The following YWHAQ variants were observed in gnomAD, a reference collection of about 807,000 sequenced individuals.
YWHAQ encodes 14-3-3 protein theta.
In YWHAQ, 6 loss-of-function variants were observed where a neutral mutation model predicts 28.3. The ratio of observed to expected loss-of-function variants is 0.21; its 90% confidence interval spans 0.12 to 0.42. The LOEUF (loss-of-function observed/expected upper bound fraction) is 0.42. Among genes scored for constraint, YWHAQ ranks in the 10% least tolerant of loss-of-function variants. The probability of loss-of-function intolerance (pLI) is 1.00; values close to 1 mark genes in which losing one functional copy is unlikely to be tolerated. For missense variants in YWHAQ, 201 were observed against 305.6 expected (o/e 0.66, Z 2.55); for synonymous variants, 143 against 119.1 (o/e 1.20, Z -1.31).
intron 2 of YWHAQ, among the ~76,000 whole-genome samples, chr2:9,597,648 A>AAAAAAG (rs1558543363): frequency 3.3e-5 from 5 of 150,898 alleles, no homozygotes; most frequent in African/African-American, 1.2e-4. Flanking sequence ...AAAAAAAAAA[A>AAAAAAG]AAAAAGAAAA....
At chr2:9,589,616 A>G (rs1666418054) in intron 3 of YWHAQ, among the ~76,000 whole-genome samples, 1 of 152,208 alleles carries the variant, frequency 6.6e-6, no homozygotes, top group Non-Finnish European at 1.5e-5. Context: ...TTTGACTGGA[A>G]TACCCTTTCC....
chr2:9,591,851 A>C (rs935467171), intron 2 of YWHAQ, among the ~76,000 whole-genome samples: 3 of 152,248 alleles, frequency 2.0e-5, no homozygotes, highest in Admixed American at 2.0e-4. Context: ...ACGGATATAG[A>C]GAAGACTTAA....
At chr2:9,601,765 C>T (rs1666697924) in intron 2 of YWHAQ, among the ~76,000 whole-genome samples, 1 of 152,132 alleles carries the variant, frequency 6.6e-6, no homozygotes, top group Non-Finnish European at 1.5e-5. Flanking sequence ...CCGGCCTCAG[C>T]CTCCTGTGTA....
At chr2:9,587,192 A>G (rs1326401971) in intron 5 of YWHAQ, among the ~76,000 whole-genome samples, 1 of 152,196 alleles carries the variant, frequency 6.6e-6, no homozygotes, top group Non-Finnish European at 1.5e-5. Flanking sequence ...TAATATTAAT[A>G]TTGAGTTCCT....
At chr2:9,626,665 A>T (rs1667252977) in intron 2 of YWHAQ, among the ~76,000 whole-genome samples, 1 of 152,220 alleles carries the variant, frequency 6.6e-6, no homozygotes, top group African/African-American at 2.4e-5. Context: ...TCCTGACCTC[A>T]GGTGATCCAC....
intron 2 of YWHAQ, among the ~76,000 whole-genome samples, chr2:9,626,918 G>A (rs1250140324): frequency 2.0e-5 from 3 of 152,202 alleles, no homozygotes; most frequent in Non-Finnish European, 2.9e-5. Flanking sequence ...GAGCAGAGCA[G>A]AATGGCTAGG....
chr2:9,598,388 C>G (rs1285261868), intron 2 of YWHAQ, among the ~76,000 whole-genome samples: 1 of 152,168 alleles, frequency 6.6e-6, no homozygotes, highest in Non-Finnish European at 1.5e-5. Flanking sequence ...AGTTTAAGCC[C>G]ACTGTCCTAG....
intron 2 of YWHAQ, among the ~76,000 whole-genome samples, chr2:9,629,951 GA>G (rs1043744634): frequency 1.9e-4 from 29 of 151,516 alleles, no homozygotes; most frequent in African/African-American, 6.8e-4. Context: ...CATCTGGGGC[GA>G]AAAAAAAGGA....
chr2:9,610,249 T>A (rs1666917476), intron 2 of YWHAQ, among the ~76,000 whole-genome samples: 1 of 152,224 alleles, frequency 6.6e-6, no homozygotes, highest in Non-Finnish European at 1.5e-5. Context: ...TTCACTGGTA[T>A]GATTTAACCA....
At chr2:9,613,844 G>A (rs553676847) in intron 2 of YWHAQ, among the ~76,000 whole-genome samples, 1 of 152,330 alleles carries the variant, frequency 6.6e-6, no homozygotes, top group East Asian at 1.9e-4. Context: ...GAGGAAAAAT[G>A]TTCACCCTGT....
intron 2 of YWHAQ, chr2:9,620,630 A>C (rs145634008): frequency 6.6e-6 from 1 of 152,364 alleles, no homozygotes; most frequent in African/African-American, 2.4e-5. Flanking sequence ...GCAGAAAGAC[A>C]TTCCAACATA....
intron 2 of YWHAQ, among the ~76,000 whole-genome samples, chr2:9,601,291 G>A (rs564543635): frequency 5.9e-5 from 9 of 151,992 alleles, no homozygotes; most frequent in South Asian, 4.2e-4. Context: ...GTGAAACCCC[G>A]TCTCTACTAA....
chr2:9,594,198 T>C lies in YWHAQ; in HGVS notation c.295-2683A>G, dbSNP rs1370826825. Among the ~76,000 whole-genome samples the C allele has an allele frequency of 2.6e-5, 4 of 152,062 alleles. No homozygotes were observed. The East Asian group carries it at 7.7e-4, about 29-fold the overall frequency. ...GCTCCAGTATCACTACACTCTTAAC[T>C]GTAAAAACAACAGACAAATCAGTTT... On this transcript the variant is annotated intron_variant, in intron 2 of 5. Coordinates refer to ENST00000238081, the MANE Select transcript of YWHAQ (RefSeq NM_006826.4).
At chr2:9,613,070 G>C (rs868133178) in intron 2 of YWHAQ, among the ~76,000 whole-genome samples, 48 of 152,244 alleles carry the variant, frequency 3.2e-4, no homozygotes, top group Non-Finnish European at 6.8e-4. Context: ...CCTCAACCAT[G>C]AATGTACACT....
intron 2 of YWHAQ, among the ~76,000 whole-genome samples, chr2:9,628,163 A>G (rs1452992069): frequency 6.6e-6 from 1 of 151,684 alleles, no homozygotes; most frequent in Non-Finnish European, 1.5e-5. Context: ...CTTTCCCAAG[A>G]TATTTTTTAT....
Position 9,584,700 on chromosome 2 carries a change from G to A in YWHAQ, c.*586C>T, listed in dbSNP as rs1267608515. 6.6e-6 allele frequency: 1 copy of A among 152,582 alleles called. No homozygotes were observed. Among genetic ancestry groups the A allele is most frequent in the East Asian group, 1.9e-4 (1 of 5,190 alleles). The allele number at this position is 152,582 out of a possible 1,614,324, so 9.5% of individuals were successfully genotyped here. On this transcript the variant is annotated 3_prime_UTR_variant, in exon 6 of 6. Transcript: ENST00000238081. ...AGAGTGAATAAGGAAACTCCCTGTT[G>A]CCACAGATACACAAGACCTCCGTAT...
intron 2 of YWHAQ, among the ~76,000 whole-genome samples, chr2:9,626,816 G>A (rs1436504107): frequency 1.3e-5 from 2 of 152,186 alleles, no homozygotes; most frequent in Non-Finnish European, 2.9e-5. Flanking sequence ...TCTTTCTGAA[G>A]CCATTTCCCT....
chr2:9,630,105 C>G lies in YWHAQ; in HGVS notation c.294+54G>C. ...TTTGTTTCCGTGCCCGCGAAACTCTCAATGAAAAGCATCTCACAAAAGGCC... is the reference window on the plus strand; with the variant it reads ...TTTGTTTCCGTGCCCGCGAAACTCTGAATGAAAAGCATCTCACAAAAGGCC... On this transcript the variant is annotated intron_variant, in intron 2 of 5. Coordinates refer to ENST00000238081, the MANE Select transcript of YWHAQ (RefSeq NM_006826.4). This position sits in a 1 kb window ranked among gnomAD's most constrained non-coding sequence, Gnocchi z 5.6. The G allele has an allele frequency of 6.4e-7, 1 of 1,564,284 alleles. No homozygotes were observed. The highest frequency in any genetic ancestry group is 8.7e-7 in the Non-Finnish European group (1 of 1,152,074).
chr2:9,597,970 C>T (rs1195732069), intron 2 of YWHAQ, among the ~76,000 whole-genome samples: 1 of 146,040 alleles, frequency 6.8e-6, no homozygotes, highest in East Asian at 2.0e-4. Flanking sequence ...CAGGCATGCA[C>T]CACCATGCCG....
Sources: allele counts gnomAD v4.1 joint callset (sites outside exome capture counted in the v4.1 genomes callset), GRCh38; gene constraint gnomAD v4.1.1; non-coding constraint Gnocchi (gnomAD v3.1); transcripts MANE v1.5; gene names NCBI Gene and HGNC (gene_info 2026-07-23, HGNC 2026-07-21).